The following FAM171B variants were observed in gnomAD, a reference collection of about 807,000 sequenced individuals.
The protein encoded by FAM171B is family with sequence similarity 171 member B.
In FAM171B, 19 loss-of-function variants were observed where a neutral mutation model predicts 75.6. The ratio of observed to expected loss-of-function variants is 0.25; its 90% CI spans 0.18 to 0.37. The LOEUF (loss-of-function observed/expected upper bound fraction) is 0.37. FAM171B is among the 10% of genes least tolerant of loss of function. The probability of loss-of-function intolerance (pLI) is 1.00; values close to 1 mark genes in which losing one functional copy is unlikely to be tolerated. For synonymous variants in FAM171B, 367 were observed against 361.7 expected, an observed-to-expected ratio of 1.01 and a Z score of -0.17; for missense variants, 848 against 982.4, an observed-to-expected ratio of 0.86 and a Z score of 1.83.
At chr2:186,751,440 G>A (rs900510266) in intron 5 of FAM171B, 136 bp downstream of exon 5, 1 of 683,096 alleles carries the variant, frequency 1.5e-6, no homozygotes, top group East Asian at 2.9e-5. Flanking sequence ...GACCAAAATT[G>A]ACTTCACTTT....
intron 2 of FAM171B, among the ~76,000 whole-genome samples, chr2:186,743,041 G>A (rs1364115442): frequency 6.6e-6 from 1 of 152,140 alleles, no homozygotes; most frequent in Non-Finnish European, 1.5e-5. Context: ...GTGCTCTTAT[G>A]TGGGAAGGTA....
intron 5 of FAM171B, among the ~76,000 whole-genome samples, chr2:186,751,765 C>G (rs949564830): frequency 2.0e-5 from 3 of 152,064 alleles, no homozygotes; most frequent in African/African-American, 7.2e-5. Flanking sequence ...TTCTGGGTTT[C>G]GCCTCCTAAA....
intron 3 of FAM171B, among the ~76,000 whole-genome samples, chr2:186,744,803 A>G (rs528934220): frequency 6.7e-6 from 1 of 148,928 alleles, no homozygotes; most frequent in Non-Finnish European, 1.5e-5. Context: ...CTAGGATTAC[A>G]GGCATGAGCC....
In FAM171B at chr2:186,763,739, GA is replaced by G. The variant is rs1417341638; in HGVS notation, c.*917del. On this transcript the variant is annotated 3_prime_UTR_variant, in exon 8 of 8. Coordinates refer to ENST00000304698, the MANE Select transcript of FAM171B (RefSeq NM_177454.4). ...GGCTATGAAATTTAAAAAAAAAGTC[GA>G]TGTGAAAGTTTCTTTTGAACACTAA... 6.6e-6 allele frequency: 1 copy of G among 151,822 alleles called. No homozygotes were observed. Among genetic ancestry groups the G allele is most frequent in the African/African-American group, 2.4e-5 (1 of 41,386 alleles). The allele number at this position is 151,822 out of a possible 1,614,324, so 9.4% of individuals were successfully genotyped here.
chr2:186,761,113 G>T lies in FAM171B; in HGVS notation c.1013G>T (p.Gly338Val), dbSNP rs1241873387. 6.2e-7 allele frequency: 1 copy of T among 1,606,862 alleles called. No homozygotes were observed. The highest frequency in any genetic ancestry group is 8.5e-7 in the Non-Finnish European group (1 of 1,176,934). ...WIAAPLPGTR[G>V]SGINEDSKDI... is the part of the protein sequence containing the mutation. ...TCTTTGTTTATATTGAACCATGTAG[G>T]TTCAGGTATAAATGAAGATTCCAAG... is the stretch of plus-strand genomic sequence containing the variant. The change falls in exon 7 of 8, where the codon GGT becomes GTT. Residue 338 changes from glycine to valine, a missense_variant and splice_region_variant. By Grantham distance (109) the Gly-to-Val change is moderately radical. Coordinates refer to ENST00000304698, the MANE Select transcript of FAM171B (RefSeq NM_177454.4).
At position 186,762,273 on chromosome 2, in the gene FAM171B, C is replaced by T. The variant is rs1690630178; in HGVS notation, c.1931C>T (p.Thr644Ile). The part of the protein sequence containing the change: ...PGTLNEAVVM[T>I]PFSSELQGIS... ...ACACTAAATGAGGCTGTTGTAATGA[C>T]TCCATTTTCATCGGAACTTCAAGGA... Residue 644 changes from threonine (T) to isoleucine (I), a missense_variant, in exon 8 of 8, where the codon ACT (threonine) becomes ATT (isoleucine). Thr to Ile is a moderately conservative substitution (Grantham distance 89, BLOSUM62 -1). Around this residue, in one of 3 missense-constraint regions of FAM171B, gnomAD observed 47 missense variants for 94.0 expected, o/e 0.50. Coordinates refer to ENST00000304698, the MANE Select transcript of FAM171B (RefSeq NM_177454.4). The surrounding 1 kb of genome is among the most constrained non-coding windows in gnomAD (Gnocchi z 4.0). 1 of 1,613,730 alleles carries T rather than the reference C, an allele frequency of 6.2e-7. No individual in the cohort carries two copies. Among genetic ancestry groups the T allele is most frequent in the Non-Finnish European group, 8.5e-7 (1 of 1,179,778 alleles).
At position 186,761,174 on chromosome 2, in the gene FAM171B, C is replaced by T. The variant is rs146512742; in HGVS notation, c.1074C>T (p.Ala358=). 1 of 1,612,326 alleles carries T rather than the reference C, an allele frequency of 6.2e-7. No individual in the cohort carries two copies. The highest frequency in any genetic ancestry group is 2.2e-5 in the East Asian group (1 of 44,788). Residue 358 remains alanine, a synonymous_variant, in exon 7 of 8, where the codon GCC becomes GCT. Transcript: ENST00000304698. The part of the protein sequence containing the change: ...ITAYHTVFLT[A]ILGGTIVIVI... ...CCTACCACACAGTGTTTCTTACAGC[C>T]ATATTAGGAGGAACAATAGTCATTG...
intron 1 of FAM171B, among the ~76,000 whole-genome samples, chr2:186,706,721 A>G (rs1364443691): frequency 6.6e-6 from 1 of 152,192 alleles, no homozygotes; most frequent in African/African-American, 2.4e-5. Context: ...AGTGGCTTAA[A>G]GATCAGGATG....
chr2:186,743,430 G>GT (rs1157685902), intron 2 of FAM171B, 53 bp from the exon 3 acceptor site: 91 of 1,296,084 alleles, frequency 7.0e-5, no homozygotes, highest in Non-Finnish European at 9.6e-5. Context: ...ATTTGTCCTA[G>GT]TTTTTTTCCC....
chr2:186,714,323 C>A (rs1689847615), intron 1 of FAM171B, among the ~76,000 whole-genome samples: 1 of 152,032 alleles, frequency 6.6e-6, no homozygotes, highest in African/African-American at 2.4e-5. Context: ...GCATTTCCAT[C>A]TAAATAGCTA....
intron 1 of FAM171B, 42 bp downstream of exon 1, chr2:186,694,453 G>C (rs752102568): frequency 5.7e-6 from 9 of 1,586,878 alleles, no homozygotes; most frequent in Non-Finnish European, 7.7e-6. Flanking sequence ...GTCTCGGCCG[G>C]CGATCTCTTA....
intron 1 of FAM171B, among the ~76,000 whole-genome samples, chr2:186,739,494 T>C (rs1345499068): frequency 6.6e-6 from 1 of 152,174 alleles, no homozygotes; most frequent in Admixed American, 6.5e-5. Context: ...TTTTACTTTT[T>C]ACTTTTTAAA....
chr2:186,762,728 A>G lies in FAM171B; in HGVS notation c.2386A>G (p.Thr796Ala). The G allele has an allele frequency of 6.2e-7, 1 of 1,613,232 alleles. No homozygotes were observed. Among genetic ancestry groups the G allele is most frequent in the Non-Finnish European group, 8.5e-7 (1 of 1,179,596 alleles). ...AGATTTTGAAGCTAATACATCCCCCACTAAAAGAAGGGGCAGACCACCACT... is the reference window on the plus strand; with the variant it reads ...AGATTTTGAAGCTAATACATCCCCCGCTAAAAGAAGGGGCAGACCACCACT... Reference protein sequence around the residue: ...VEDFEANTSPTKRRGRPPLAK... With the variant: ...VEDFEANTSPAKRRGRPPLAK... Residue 796 changes from threonine to alanine, a missense_variant, in exon 8 of 8, where the codon ACT (threonine) becomes GCT (alanine). Physicochemically the swap from Thr to Ala is moderately conservative, Grantham distance 58 (BLOSUM62 0). Transcript: ENST00000304698. This position sits in a 1 kb window ranked among gnomAD's most constrained non-coding sequence, Gnocchi z 4.0.
chr2:186,713,817 G>A (rs1213318438), intron 1 of FAM171B, among the ~76,000 whole-genome samples: 4 of 152,152 alleles, frequency 2.6e-5, no homozygotes, highest in Non-Finnish European at 4.4e-5. Context: ...AAAAATCAGT[G>A]AGGTATTCAT....
At position 186,764,780 on chromosome 2, in the gene FAM171B, T is replaced by C. The variant is rs930695955; in HGVS notation, c.*1957T>C. 2.6e-5 allele frequency: 4 copies of C among 151,952 alleles called. No individual in the cohort carries two copies. Among genetic ancestry groups the C allele is most frequent in the African/African-American group, 9.7e-5 (4 of 41,432 alleles). The allele number at this position is 151,952 out of a possible 1,614,324, so 9.4% of individuals were successfully genotyped here. On this transcript the variant is annotated 3_prime_UTR_variant, in exon 8 of 8. Coordinates refer to ENST00000304698, the MANE Select transcript of FAM171B (RefSeq NM_177454.4). ...CATGTGAGTAGTATTTCTTGTTTTTTGAATACAGTATATATTGATAAATTG... is the reference window on the plus strand; with the variant it reads ...CATGTGAGTAGTATTTCTTGTTTTTCGAATACAGTATATATTGATAAATTG...
At chr2:186,708,794 C>T (rs1243439731) in intron 1 of FAM171B, among the ~76,000 whole-genome samples, 2 of 152,066 alleles carry the variant, frequency 1.3e-5, no homozygotes, top group Non-Finnish European at 2.9e-5. Flanking sequence ...AACCAACCAA[C>T]CAAAAGAAAT....
chr2:186,740,416 G>A lies in FAM171B; in HGVS notation c.427G>A (p.Gly143Ser), dbSNP rs142967933. The A allele has an allele frequency of 6.2e-7, 1 of 1,613,806 alleles. No homozygotes were observed. The highest frequency in any genetic ancestry group is 8.5e-7 in the Non-Finnish European group (1 of 1,179,902). ...TTTAACTATTATTGCTTACAAAGAT[G>A]GCTACGTGTTGACCCCTCTGCCTTG... ...LSLTIIAYKD[G>S]YVLTPLPWKT... The change falls in exon 2 of 8, where the codon GGC becomes AGC. Residue 143 changes from glycine to serine, a missense_variant. Gly to Ser is a moderately conservative substitution (Grantham distance 56). This residue lies in a region of FAM171B where 665 missense variants were observed against 729.0 expected (regional missense o/e 0.91). Coordinates refer to ENST00000304698, the MANE Select transcript of FAM171B (RefSeq NM_177454.4).
chr2:186,725,310 C>G (rs1156388668), intron 1 of FAM171B, among the ~76,000 whole-genome samples: 2 of 150,472 alleles, frequency 1.3e-5, no homozygotes, highest in Non-Finnish European at 3.0e-5. Context: ...CGCCACTGCA[C>G]TCCAACCTGG....
chr2:186,740,216 T>A lies in FAM171B; in HGVS notation c.239-12T>A, dbSNP rs948683751. 8.1e-6 allele frequency: 13 copies of A among 1,603,498 alleles called. No individual in the cohort carries two copies. In the African/African-American group the frequency reaches 1.5e-4, roughly 18 times the overall value. ...ATACGACATGCTGCAATTTCTACCTTTTTCTCTCCAGTGTCTGTATTTATG... is the reference window on the plus strand; with the variant it reads ...ATACGACATGCTGCAATTTCTACCTATTTCTCTCCAGTGTCTGTATTTATG... On this transcript the variant is annotated splice_polypyrimidine_tract_variant and intron_variant, in intron 1 of 7. Coordinates refer to ENST00000304698, the MANE Select transcript of FAM171B (RefSeq NM_177454.4).
Sources: gnomAD v4.1 joint callset for allele counts (sites outside exome capture counted in the v4.1 genomes callset) on GRCh38, gnomAD v4.1.1 for gene constraint, gnomAD v4.1.1 regional missense constraint, Gnocchi (gnomAD v3.1) non-coding constraint, MANE v1.5 for transcripts, NCBI Gene and HGNC (gene_info 2026-07-23, HGNC 2026-07-21) for gene names.